The following NLRP2 variants were observed in gnomAD, a reference collection of about 807,000 sequenced individuals.
NLRP2 encodes NLR family pyrin domain containing 2.
NLRP2 carries 107 observed loss-of-function variants against 97.2 expected under a neutral mutation model. The observed-to-expected ratio is 1.10, with a 90% CI of 0.94 to 1.29. NLRP2 has a LOEUF of 1.29. Among genes scored for constraint, NLRP2 ranks in the 50% most tolerant of loss-of-function variants. The pLI is 0.00. For synonymous variants in NLRP2, 663 were observed against 551.5 expected (o/e 1.20, Z -2.83); for missense variants, 1,495 against 1,330.3 (o/e 1.12, Z -1.93).
intron 12 of NLRP2, among the ~76,000 whole-genome samples, chr19:54,998,883 C>T (rs543859026): frequency 6.6e-6 from 1 of 151,364 alleles, no homozygotes; most frequent in Non-Finnish European, 1.5e-5. Flanking sequence ...GCATATCTTG[C>T]ACCGCCCTTA....
At chr19:55,000,631 G>T in intron 12 of NLRP2, 129 bp from the exon 13 acceptor site, 3 of 881,688 alleles carry the variant, frequency 3.4e-6, no homozygotes, top group East Asian at 2.5e-5. Context: ...ACACTCCTTT[G>T]CCACCTAGAA....
intron 12 of NLRP2, among the ~76,000 whole-genome samples, chr19:54,998,923 A>G (rs371992959): frequency 1.6e-4 from 24 of 151,008 alleles, no homozygotes; most frequent in African/African-American, 5.4e-4. Flanking sequence ...GACACAGCAC[A>G]TGTTTCAGAG....
intron 12 of NLRP2, 81 bp from the exon 13 acceptor site, chr19:55,000,679 A>G (rs2073137310): frequency 2.0e-6 from 3 of 1,480,174 alleles, no homozygotes; most frequent in African/African-American, 1.4e-5. Context: ...TGCCTCCTTA[A>G]CAGACTTTCA....
At chr19:54,994,044 T>G in intron 10 of NLRP2, 1 of 621,022 alleles carries the variant, frequency 1.6e-6, no homozygotes, top group Non-Finnish European at 2.9e-6. Context: ...CTTAAGATGC[T>G]CAGTCACCTC....
intron 11 of NLRP2, among the ~76,000 whole-genome samples, chr19:54,996,056 A>AAAC (rs2072801632): frequency 6.6e-6 from 1 of 150,486 alleles, no homozygotes; most frequent in Non-Finnish European, 1.5e-5. Flanking sequence ...AAAAAAAACA[A>AAAC]AAAAAACAAA....
intron 9 of NLRP2, 29 bp from the exon 10 acceptor site, chr19:54,990,469 TCAAC>T: frequency 3.1e-6 from 5 of 1,612,274 alleles, no homozygotes; most frequent in Non-Finnish European, 4.2e-6. Context: ...GTTGGACCTG[TCAAC>T]CGTGTTGCCA....
At position 54,983,349 on chromosome 19, in the gene NLRP2, A is replaced by C. The variant is rs772312834; in HGVS notation, c.1651A>C (p.Ile551Leu). 5.0e-6 allele frequency: 8 copies of C among 1,614,078 alleles called. No homozygotes were observed. Among genetic ancestry groups the C allele is most frequent in the Non-Finnish European group, 5.9e-6 (7 of 1,180,038 alleles). ...AGAAAGACTCAGGAACCCCGACCTG[A>C]TCCAAGCAGGCTACTACTCCTTTGG... ...GVERLRNPDL[I>L]QAGYYSFGLA... The change falls in exon 6 of 13, where the codon ATC (isoleucine) becomes CTC (leucine). Residue 551 changes from isoleucine (I) to leucine (L), a missense_variant. Coordinates refer to ENST00000448584, the MANE Select transcript of NLRP2 (RefSeq NM_017852.5).
At chr19:54,995,556 C>T (rs2072761771) in intron 11 of NLRP2, among the ~76,000 whole-genome samples, 1 of 151,596 alleles carries the variant, frequency 6.6e-6, no homozygotes, top group Non-Finnish European at 1.5e-5. Flanking sequence ...TACACTCCAT[C>T]CTGGGCTACA....
chr19:54,968,713 T>TTTTTTTTTTTTTTTTTTG (rs1454134577), intron 1 of NLRP2, among the ~76,000 whole-genome samples: 1 of 135,664 alleles, frequency 7.4e-6, no homozygotes, highest in Non-Finnish European at 1.6e-5. Flanking sequence ...TTTTTTTTTT[T>TTTTTTTTTTTTTTTTTTG]GAGACAGTTT....
intron 5 of NLRP2, 24 bp from the exon 6 acceptor site, chr19:54,982,138 C>G: frequency 6.2e-7 from 1 of 1,613,670 alleles, no homozygotes; most frequent in Non-Finnish European, 8.5e-7. Flanking sequence ...TCCTCTCTCC[C>G]TTCCCTCCTC....
chr19:54,969,921 G>A (rs2070733729), intron 1 of NLRP2, 78 bp from the exon 2 acceptor site: 2 of 1,418,120 alleles, frequency 1.4e-6, no homozygotes, highest in South Asian at 2.3e-5. Flanking sequence ...CCTTGTTCGT[G>A]GCACAGCAGG....
At chr19:54,976,552 G>A (rs2071239978) in intron 3 of NLRP2, among the ~76,000 whole-genome samples, 1 of 151,968 alleles carries the variant, frequency 6.6e-6, no homozygotes, top group African/African-American at 2.4e-5. Flanking sequence ...TCACCATGTT[G>A]GCCAGGCTGG....
At chr19:54,996,934 G>T (rs2072858566) in intron 11 of NLRP2, among the ~76,000 whole-genome samples, 1 of 152,066 alleles carries the variant, frequency 6.6e-6, no homozygotes, top group East Asian at 1.9e-4. Context: ...TGAGACCGGA[G>T]TCTCACTCTG....
At chr19:54,976,078 T>C (rs945144306) in intron 3 of NLRP2, among the ~76,000 whole-genome samples, 1 of 151,522 alleles carries the variant, frequency 6.6e-6, no homozygotes, top group Non-Finnish European at 1.5e-5. Flanking sequence ...GGACAAAGTC[T>C]CACTCTGTTG....
intron 4 of NLRP2, among the ~76,000 whole-genome samples, chr19:54,978,559 T>C (rs2071387951): frequency 6.6e-6 from 1 of 152,038 alleles, no homozygotes; most frequent in Admixed American, 6.6e-5. Flanking sequence ...TTAAATTATT[T>C]AAAAGTTGAC....
Position 54,983,742 on chromosome 19 carries a change from C to G in NLRP2, c.2030+14C>G. 3.7e-6 allele frequency: 6 copies of G among 1,607,034 alleles called. No individual in the cohort carries two copies. Among genetic ancestry groups the G allele is most frequent in the Admixed American group, 1.7e-5 (1 of 60,014 alleles). On this transcript the variant is annotated intron_variant, in intron 6 of 12. Coordinates refer to ENST00000448584, the MANE Select transcript of NLRP2 (RefSeq NM_017852.5). Reference sequence around the variant, plus strand: ...CGAGGTTGAGAGGTGAGAACCGTTTCACTCTACCAGTCGTTCCATCTTTAG... The same window carrying G: ...CGAGGTTGAGAGGTGAGAACCGTTTGACTCTACCAGTCGTTCCATCTTTAG...
chr19:54,998,631 C>CTTTTTTTTT (rs1179005483), intron 12 of NLRP2, among the ~76,000 whole-genome samples: 29 of 61,130 alleles, frequency 4.7e-4, no homozygotes, highest in South Asian at 6.9e-4. Flanking sequence ...TTTTTTTTTC[C>CTTTTTTTTT]TTTTTTTTTT....
intron 12 of NLRP2, among the ~76,000 whole-genome samples, 181 bp from the exon 13 acceptor site, chr19:55,000,579 T>C (rs75278424): frequency 0.014 from 2,041 of 145,526 alleles, 50 homozygotes; most frequent in African/African-American, 0.049. Flanking sequence ...ACGCCCCACC[T>C]GAGACTGTCT....
At chr19:54,987,514 G>A (rs1602395918) in intron 8 of NLRP2, among the ~76,000 whole-genome samples, 1 of 152,298 alleles carries the variant, frequency 6.6e-6, no homozygotes, top group South Asian at 2.1e-4. Flanking sequence ...GGCCGAGGTG[G>A]GTGGATCACT....
Sources: gnomAD v4.1 joint callset for allele counts (sites outside exome capture counted in the v4.1 genomes callset) on GRCh38, gnomAD v4.1.1 for gene constraint, MANE v1.5 for transcripts, NCBI Gene and HGNC (gene_info 2026-07-23, HGNC 2026-07-21) for gene names.